C10orf143: variants seen among roughly 807,000 people sequenced by gnomAD.
C10orf143 encodes the protein chromosome 10 open reading frame 143.
At chr10:130,043,407 A>G (rs1214816370) in intron 3 of C10orf143, among the ~76,000 whole-genome samples, 1 of 152,196 alleles carries the variant, frequency 6.6e-6, no homozygotes, top group African/African-American at 2.4e-5. Context: ...AACCCACTGG[A>G]AAGTATGATT....
At chr10:130,094,466 G>A (rs957519711) in intron 1 of C10orf143, among the ~76,000 whole-genome samples, 4 of 152,156 alleles carry the variant, frequency 2.6e-5, no homozygotes, top group Non-Finnish European at 5.9e-5. Context: ...ACATTGATGT[G>A]AAAATCCTCA....
intron 3 of C10orf143, among the ~76,000 whole-genome samples, chr10:130,057,406 C>T (rs908560036): frequency 6.6e-6 from 1 of 152,198 alleles, no homozygotes; most frequent in Non-Finnish European, 1.5e-5. Flanking sequence ...CAAGTTTGCA[C>T]TAGGACCACC....
At chr10:130,100,397 G>A (rs1861529222) in intron 1 of C10orf143, among the ~76,000 whole-genome samples, 1 of 151,948 alleles carries the variant, frequency 6.6e-6, no homozygotes, top group African/African-American at 2.4e-5. Flanking sequence ...AGGCGTGGTG[G>A]TGCGTGCCTG....
At chr10:130,105,862 G>T (rs555576619) in intron 1 of C10orf143, among the ~76,000 whole-genome samples, 54 of 152,380 alleles carry the variant, frequency 3.5e-4, no homozygotes, top group African/African-American at 1.3e-3. Flanking sequence ...TGTAACAAGG[G>T]GGCTGGGTGG....
At chr10:130,061,018 G>A (rs552398477), downstream of C10orf143, among the ~76,000 whole-genome samples, 24 of 152,010 alleles carry the variant, frequency 1.6e-4, no homozygotes, top group Admixed American at 6.5e-4. Flanking sequence ...CATGCCTGTG[G>A]TCCCAGCTGC....
At chr10:130,080,077 T>C (rs566240553) in intron 1 of C10orf143, among the ~76,000 whole-genome samples, 176 bp from the exon 2 acceptor site, 1 of 152,358 alleles carries the variant, frequency 6.6e-6, no homozygotes, top group South Asian at 2.1e-4. Context: ...AATCATCCAT[T>C]ACATTTAACC....
intron 1 of C10orf143, among the ~76,000 whole-genome samples, chr10:130,105,644 C>T (rs1032623095): frequency 6.6e-6 from 1 of 152,138 alleles, no homozygotes; most frequent in African/African-American, 2.4e-5. Flanking sequence ...GCAAGAGAAT[C>T]GCTTCAACCC....
At chr10:130,055,952 T>TA (rs369284797) in intron 3 of C10orf143, among the ~76,000 whole-genome samples, 17,051 of 65,954 alleles carry the variant, frequency 0.26, 2,704 homozygotes, top group Non-Finnish European at 0.34. Context: ...TCTCCAAAAG[T>TA]AAAAAAAAAA....
intron 3 of C10orf143, among the ~76,000 whole-genome samples, chr10:130,048,303 C>T (rs1258315041): frequency 6.6e-6 from 1 of 152,212 alleles, no homozygotes; most frequent in African/African-American, 2.4e-5. Flanking sequence ...ACCCACCTGC[C>T]TTGACAGAGG....
At chr10:130,093,357 T>G (rs903151981) in intron 1 of C10orf143, among the ~76,000 whole-genome samples, 1 of 152,144 alleles carries the variant, frequency 6.6e-6, no homozygotes, top group Non-Finnish European at 1.5e-5. Flanking sequence ...ATAAGTTCTT[T>G]GAAATCAATG....
rs1860803820 is a variant in C10orf143 at position 130,056,911 on chromosome 10, CAG to C, written c.298-20943_298-20942del. On this transcript the variant is annotated intron_variant and NMD_transcript_variant, in intron 3 of 5. Coordinates refer to the C10orf143 transcript ENST00000643056. This position sits in a 1 kb window ranked among gnomAD's most constrained non-coding sequence, Gnocchi z 4.6. ...CGGCCAGTTGCTTTCATTTTTTATA[CAG>C]AGTCTCACTGTGTCTCCCAGGCTGG... is the stretch of plus-strand genomic sequence containing the variant. Among the ~76,000 whole-genome samples, 1 of 149,998 alleles carries C rather than the reference CAG, an allele frequency of 6.7e-6. No individual in the cohort carries two copies. The highest frequency in any genetic ancestry group is 2.5e-5 in the African/African-American group (1 of 40,620).
At chr10:130,069,757 T>G (rs1253445570) in intron 3 of C10orf143, among the ~76,000 whole-genome samples, 1 of 152,200 alleles carries the variant, frequency 6.6e-6, no homozygotes, top group African/African-American at 2.4e-5. Flanking sequence ...ATTATAAGCA[T>G]GAGTCACTGT....
chr10:130,058,483 CA>C (rs771281983), intron 3 of C10orf143, among the ~76,000 whole-genome samples: 19 of 151,526 alleles, frequency 1.3e-4, no homozygotes, highest in Non-Finnish European at 2.4e-4. Flanking sequence ...CCACACAAAA[CA>C]AAACAAAATC....
Position 130,108,034 on chromosome 10 carries a change from C to T in C10orf143, c.69+2670G>A, listed in dbSNP as rs573576550. On this transcript the variant is annotated intron_variant, in intron 1 of 3. Transcript: ENST00000637128. ...CAGAAATGGAATCCAGTAGAAATGA[C>T]ACCAAAGATGATCTTGGTAATTTAA... is the stretch of plus-strand genomic sequence containing the variant. The T allele has an allele frequency of 4.0e-5, 59 of 1,484,956 alleles. 1 individual carries two copies. In the South Asian group the frequency reaches 6.0e-4, roughly 15 times the overall value. 92.0% of individuals were successfully genotyped at this position (1,484,956 alleles called of 1,614,324 possible).
At chr10:130,071,511 T>C (rs1015123221) in intron 3 of C10orf143, among the ~76,000 whole-genome samples, 3 of 152,254 alleles carry the variant, frequency 2.0e-5, no homozygotes, top group African/African-American at 7.2e-5. Context: ...TGCATATTTA[T>C]TCAAGAAACC....
chr10:130,060,650 CA>C (rs1357300412), downstream of C10orf143, among the ~76,000 whole-genome samples: 1 of 151,330 alleles, frequency 6.6e-6, no homozygotes, highest in African/African-American at 2.4e-5. Flanking sequence ...GGTGAAACCC[CA>C]TCTCTACTAA....
chr10:130,106,362 A>G (rs765827934), intron 1 of C10orf143: 2 of 1,601,810 alleles, frequency 1.2e-6, no homozygotes, highest in Non-Finnish European at 1.7e-6. Context: ...TATGAAGACT[A>G]TGAAGTAGCG....
chr10:130,093,788 G>C (rs149542540), intron 1 of C10orf143, among the ~76,000 whole-genome samples: 204 of 152,016 alleles, frequency 1.3e-3, no homozygotes, highest in African/African-American at 4.9e-3. Flanking sequence ...CGAGGCGGGC[G>C]GATCACGAGG....
intron 3 of C10orf143, among the ~76,000 whole-genome samples, chr10:130,053,923 A>C (rs1860767978): frequency 6.6e-6 from 1 of 152,206 alleles, no homozygotes; most frequent in Non-Finnish European, 1.5e-5. Flanking sequence ...TGGGAGAGTG[A>C]GTGTCTGAAC....
Sources: gnomAD v4.1 joint callset for allele counts (sites outside exome capture counted in the v4.1 genomes callset) on GRCh38, gnomAD v4.1.1 for gene constraint, Gnocchi (gnomAD v3.1) non-coding constraint, MANE v1.5 for transcripts, NCBI Gene and HGNC (gene_info 2026-07-23, HGNC 2026-07-21) for gene names.